The following MEGF9 variants were observed in gnomAD, a reference collection of about 807,000 sequenced individuals.
The protein encoded by MEGF9 is multiple epidermal growth factor-like domains protein 9.
In MEGF9, 6 loss-of-function variants were observed where a neutral mutation model predicts 46.8. The ratio of observed to expected loss-of-function variants is 0.13; its 90% CI spans 0.07 to 0.25. The LOEUF (loss-of-function observed/expected upper bound fraction) is 0.25. Among genes scored for constraint, MEGF9 ranks in the 10% least tolerant of loss-of-function variants. MEGF9 has a pLI of 1.00. For missense variants in MEGF9, 683 were observed against 792.4 expected (o/e 0.86, Z 1.66); for synonymous variants, 302 against 330.7 (o/e 0.91, Z 0.94).
At chr9:120,679,485 G>A in intron 1 of MEGF9, among the ~76,000 whole-genome samples, 1 of 136,482 alleles carries the variant, frequency 7.3e-6, no homozygotes, top group African/African-American at 3.0e-5. Flanking sequence ...GGGGTGGGGG[G>A]AGGGGGAAGG....
Position 120,702,043 on chromosome 9 carries a change from TA to T in MEGF9, c.601+11714del, listed in dbSNP as rs527744415. ...AGGCGACAGAGCAAGACTCTGTCTC[TA>T]AAAAAAAAAATAAAAAATTAATTAA... is the stretch of plus-strand genomic sequence containing the variant. On this transcript the variant is annotated intron_variant, in intron 1 of 5. Transcript: ENST00000373930. 8.5e-4 allele frequency among the ~76,000 whole-genome samples: 123 copies of T among 144,514 alleles called. 1 individual carries two copies. The highest frequency in any genetic ancestry group is 1.3e-3 in the Non-Finnish European group (84 of 65,826). 94.8% of individuals were successfully genotyped at this position (144,514 alleles called of 152,430 possible).
chr9:120,711,678 T>G (rs2043953558), intron 1 of MEGF9, among the ~76,000 whole-genome samples: 1 of 152,218 alleles, frequency 6.6e-6, no homozygotes, highest in Non-Finnish European at 1.5e-5. Context: ...CAGATTTATT[T>G]ATCAGATACT....
intron 2 of MEGF9, among the ~76,000 whole-genome samples, chr9:120,625,946 T>C (rs1355000381): frequency 6.6e-6 from 1 of 151,786 alleles, no homozygotes; most frequent in Non-Finnish European, 1.5e-5. Flanking sequence ...CCTTTCATGG[T>C]CTCTCTCTGT....
chr9:120,713,458 A>G (rs2043962083), intron 1 of MEGF9, among the ~76,000 whole-genome samples: 1 of 152,144 alleles, frequency 6.6e-6, no homozygotes, highest in Non-Finnish European at 1.5e-5. Context: ...ACCCAACCCA[A>G]AAGTTTGCGC....
intron 1 of MEGF9, among the ~76,000 whole-genome samples, chr9:120,673,892 C>T (rs2043761109): frequency 6.7e-6 from 1 of 150,108 alleles, no homozygotes; most frequent in Non-Finnish European, 1.5e-5. Context: ...ATCACTTGAA[C>T]TCAGAGGGCG....
At chr9:120,608,687 T>C (rs1198882476) in intron 4 of MEGF9, among the ~76,000 whole-genome samples, 1 of 152,186 alleles carries the variant, frequency 6.6e-6, no homozygotes, top group Non-Finnish European at 1.5e-5. Context: ...AAACTTAACA[T>C]GTACAACACT....
intron 1 of MEGF9, among the ~76,000 whole-genome samples, chr9:120,710,159 T>G (rs558798420): frequency 2.6e-5 from 4 of 151,608 alleles, no homozygotes; most frequent in Non-Finnish European, 5.9e-5. Context: ...CCAGGCACGG[T>G]GGCTTACACC....
At chr9:120,650,642 G>A (rs1259095733) in intron 2 of MEGF9, among the ~76,000 whole-genome samples, 1 of 152,196 alleles carries the variant, frequency 6.6e-6, no homozygotes, top group Non-Finnish European at 1.5e-5. Flanking sequence ...TTTTTTAAAA[G>A]CCAATTGTTA....
chr9:120,643,166 A>G (rs2043610575), intron 2 of MEGF9, among the ~76,000 whole-genome samples: 2 of 152,236 alleles, frequency 1.3e-5, no homozygotes, highest in South Asian at 4.2e-4. Context: ...TCCAGGGAGG[A>G]AAAAAAGCTG....
At chr9:120,638,055 C>G (rs1260024015) in intron 2 of MEGF9, among the ~76,000 whole-genome samples, 2 of 151,860 alleles carry the variant, frequency 1.3e-5, no homozygotes, top group Non-Finnish European at 2.9e-5. Context: ...TGCAGTGATG[C>G]GATCACAGCT....
chr9:120,714,215 C>T lies in MEGF9; in HGVS notation c.144G>A (p.Ala48=). 8.1e-7 allele frequency: 1 copy of T among 1,236,988 alleles called. No homozygotes were observed. The highest frequency in any genetic ancestry group is 1.0e-6 in the Non-Finnish European group (1 of 992,520). 76.6% of individuals were successfully genotyped at this position (1,236,988 alleles called of 1,614,324 possible). A position where few individuals can be genotyped will look rare whatever the true frequency, so the allele number is the denominator to read the frequency against. ...AGNVTGGGGA[A]GQVDASPGPG... The stretch of plus-strand genomic sequence containing the variant: ...GGCCCGGCGACGCGTCCACCTGCCC[C>T]GCGGCCCCGCCGCCACCGGTGACAT... Residue 48 remains alanine (A), a synonymous_variant, in exon 1 of 6, where the codon GCG becomes GCA. Transcript: ENST00000373930.
intron 2 of MEGF9, among the ~76,000 whole-genome samples, chr9:120,657,383 T>C (rs1336732821): frequency 6.6e-6 from 1 of 152,244 alleles, no homozygotes; most frequent in Non-Finnish European, 1.5e-5. Context: ...TGCAGTAGAA[T>C]TATGAATACA....
At chr9:120,646,265 T>C (rs1178016470) in intron 2 of MEGF9, among the ~76,000 whole-genome samples, 2 of 152,106 alleles carry the variant, frequency 1.3e-5, no homozygotes, top group East Asian at 1.9e-4. Flanking sequence ...CCTACTTACA[T>C]CTACTCATTC....
intron 1 of MEGF9, among the ~76,000 whole-genome samples, chr9:120,711,871 A>ACACACACACACACACACACACACC (rs145059704): frequency 1.2e-3 from 177 of 150,156 alleles, no homozygotes; most frequent in African/African-American, 4.1e-3. Flanking sequence ...ACACACACAC[A>ACACACACACACACACACACACACC]CCCACAGGCC....
intron 1 of MEGF9, among the ~76,000 whole-genome samples, chr9:120,687,022 A>G (rs1246797815): frequency 3.3e-5 from 5 of 152,004 alleles, no homozygotes; most frequent in Non-Finnish European, 4.4e-5. Context: ...TAAGCCAACT[A>G]CCCACTGAAG....
chr9:120,678,241 G>T (rs1489570438), intron 1 of MEGF9, among the ~76,000 whole-genome samples: 2 of 152,144 alleles, frequency 1.3e-5, no homozygotes, highest in African/African-American at 4.8e-5. Flanking sequence ...ATGAACAGTT[G>T]CTGCAACAAA....
intron 1 of MEGF9, among the ~76,000 whole-genome samples, chr9:120,711,522 C>A (rs1286088260): frequency 6.6e-6 from 1 of 152,132 alleles, no homozygotes; most frequent in Non-Finnish European, 1.5e-5. Flanking sequence ...TAGGGACTGA[C>A]TGAAACTAGG....
At chr9:120,693,932 A>T (rs569620826) in intron 1 of MEGF9, among the ~76,000 whole-genome samples, 17 of 152,304 alleles carry the variant, frequency 1.1e-4, no homozygotes, top group African/African-American at 9.6e-5. Flanking sequence ...GCTAAAAAAA[A>T]AAAAATAAAG....
At position 120,612,245 on chromosome 9, in the gene MEGF9, G is replaced by A. The variant is rs890390730; in HGVS notation, c.1087+151C>T. On this transcript the variant is annotated intron_variant, in intron 4 of 5. Coordinates refer to ENST00000373930, the MANE Select transcript of MEGF9 (RefSeq NM_001080497.3). ...TTCACATATATATATATTTGGATTAGATTATAAATTCCTGGAAAGGAAAAC... is the reference window on the plus strand; with the variant it reads ...TTCACATATATATATATTTGGATTAAATTATAAATTCCTGGAAAGGAAAAC... 3 of 601,326 alleles carry A rather than the reference G, an allele frequency of 5.0e-6. No homozygotes were observed. The East Asian group carries it at 8.8e-5, about 18-fold the overall frequency. 37.2% of individuals were successfully genotyped at this position (601,326 alleles called of 1,614,324 possible).
Sources: gnomAD v4.1 joint callset for allele counts (sites outside exome capture counted in the v4.1 genomes callset) on GRCh38, gnomAD v4.1.1 for gene constraint, MANE v1.5 for transcripts, NCBI Gene and HGNC (gene_info 2026-07-23, HGNC 2026-07-21) for gene names.